TMEM132D: variants seen among roughly 807,000 people sequenced by gnomAD.
The protein encoded by TMEM132D is transmembrane protein 132D, also known as mature OL transmembrane protein.
TMEM132D carries 21 observed loss-of-function variants against 62.3 expected under a neutral mutation model. The observed-to-expected ratio is 0.34, with a 90% CI of 0.24 to 0.49. The LOEUF is 0.49. TMEM132D is among the 20% of genes least tolerant of loss of function. The pLI is 0.99. For missense variants in TMEM132D, 1,346 were observed against 1,402.8 expected (o/e 0.96, Z 0.65); for synonymous variants, 621 against 575.6 (o/e 1.08, Z -1.13).
At chr12:129,834,945 GA>G (rs1266144089) in intron 1 of TMEM132D, among the ~76,000 whole-genome samples, 1 of 152,108 alleles carries the variant, frequency 6.6e-6, no homozygotes, top group Non-Finnish European at 1.5e-5. Flanking sequence ...GAAGGGAGAG[GA>G]ACAAACAGCA....
chr12:129,172,704 G>A (rs1308637725), intron 5 of TMEM132D, among the ~76,000 whole-genome samples: 1 of 152,126 alleles, frequency 6.6e-6, no homozygotes, highest in Non-Finnish European at 1.5e-5. Flanking sequence ...TCAGCCTCCT[G>A]AGTAGCTGGG....
chr12:129,866,053 C>T (rs937204009), intron 1 of TMEM132D, among the ~76,000 whole-genome samples: 8 of 152,156 alleles, frequency 5.3e-5, no homozygotes, highest in African/African-American at 1.9e-4. Flanking sequence ...TTTTACTCCA[C>T]ACCCCCTGGG....
At chr12:129,793,912 G>T (rs935394006) in intron 1 of TMEM132D, among the ~76,000 whole-genome samples, 8 of 152,016 alleles carry the variant, frequency 5.3e-5, no homozygotes, top group African/African-American at 1.7e-4. Flanking sequence ...AGACACATAG[G>T]AACTTAATTT....
intron 2 of TMEM132D, among the ~76,000 whole-genome samples, chr12:129,606,464 GGT>G (rs1438760450): frequency 6.6e-6 from 1 of 152,162 alleles, no homozygotes; most frequent in Non-Finnish European, 1.5e-5. Flanking sequence ...TCCCTGAGAT[GGT>G]GTGGGCGAGC....
intron 3 of TMEM132D, among the ~76,000 whole-genome samples, chr12:129,494,911 G>A (rs1330446089): frequency 6.6e-6 from 1 of 152,138 alleles, no homozygotes; most frequent in Admixed American, 6.5e-5. Context: ...AGTAGTGAAT[G>A]CCAGTGTCTA....
At chr12:129,538,951 G>A (rs4759586) in intron 2 of TMEM132D, among the ~76,000 whole-genome samples, 4,067 of 94,578 alleles carry the variant, frequency 0.043, 7 homozygotes, top group Middle Eastern at 0.1. Context: ...GACCCCTGGC[G>A]ATAGGTCAGA....
Position 129,779,702 on chromosome 12 carries a change from T to G in TMEM132D, c.80-79004A>C, listed in dbSNP as rs1422459777. ...CTCCACAGTCAGGCCCCACCCATTT[T>G]TAGACACAGCTCTTGTTCTGGCGAG... On this transcript the variant is annotated intron_variant, in intron 1 of 8. Coordinates refer to ENST00000422113, the MANE Select transcript of TMEM132D (RefSeq NM_133448.3). This position sits in a 1 kb window ranked among gnomAD's most constrained non-coding sequence, Gnocchi z 4.1. Among the ~76,000 whole-genome samples, 1 of 152,162 alleles carries G rather than the reference T, an allele frequency of 6.6e-6. No individual in the cohort carries two copies. The highest frequency in any genetic ancestry group is 6.5e-5 in the Admixed American group (1 of 15,280).
intron 3 of TMEM132D, among the ~76,000 whole-genome samples, chr12:129,496,331 A>G (rs1874955483): frequency 6.6e-6 from 1 of 152,204 alleles, no homozygotes; most frequent in Non-Finnish European, 1.5e-5. Flanking sequence ...TAAAAGCAGA[A>G]GAGCCATTCC....
chr12:129,746,228 C>G lies in TMEM132D; in HGVS notation c.80-45530G>C, dbSNP rs116205605. ...TGGCAGAGGGTCAAGGTGGGCAGTT[C>G]CAGGGTGTACAAGACCTGACAGGTA... On this transcript the variant is annotated intron_variant, in intron 1 of 8. Transcript: ENST00000422113. Among the ~76,000 whole-genome samples, 1,179 of 152,246 alleles carry G rather than the reference C, an allele frequency of 7.7e-3. 14 individuals carry two copies. The highest frequency in any genetic ancestry group is 0.027 in the African/African-American group (1,119 of 41,530).
chr12:129,580,916 A>G (rs923144931), intron 2 of TMEM132D, among the ~76,000 whole-genome samples: 1 of 152,168 alleles, frequency 6.6e-6, no homozygotes, highest in Non-Finnish European at 1.5e-5. Flanking sequence ...AGTGATAGCC[A>G]TCAATTGTAC....
intron 4 of TMEM132D, among the ~76,000 whole-genome samples, chr12:129,255,806 C>T (rs1189453444): frequency 6.6e-6 from 1 of 152,146 alleles, no homozygotes; most frequent in African/African-American, 2.4e-5. Context: ...GGGGGAAAAA[C>T]AGAGGAAGAG....
chr12:129,186,175 A>T (rs1191966310), intron 5 of TMEM132D, among the ~76,000 whole-genome samples: 1 of 152,164 alleles, frequency 6.6e-6, no homozygotes, highest in Non-Finnish European at 1.5e-5. Flanking sequence ...TCATCTATTG[A>T]CAGTGCAGAA....
intron 2 of TMEM132D, among the ~76,000 whole-genome samples, chr12:129,619,154 G>A (rs893379620): frequency 1.3e-5 from 2 of 152,130 alleles, no homozygotes; most frequent in Non-Finnish European, 2.9e-5. Flanking sequence ...GGATAATGAG[G>A]CATGTCCCAC....
chr12:129,673,536 C>G (rs762342039), intron 2 of TMEM132D, among the ~76,000 whole-genome samples: 1 of 152,088 alleles, frequency 6.6e-6, no homozygotes, highest in African/African-American at 2.4e-5. Context: ...ATCAAACATC[C>G]GGGACTGAGA....
intron 2 of TMEM132D, among the ~76,000 whole-genome samples, chr12:129,643,359 G>C (rs1879690924): frequency 6.6e-6 from 1 of 152,132 alleles, no homozygotes; most frequent in African/African-American, 2.4e-5. Flanking sequence ...ACCAAACCCA[G>C]CCCACCGCCT....
intron 1 of TMEM132D, chr12:129,853,558 C>G (rs1873613453): frequency 6.6e-6 from 1 of 152,184 alleles, no homozygotes; most frequent in Non-Finnish European, 1.5e-5. Context: ...GTGAACCCAT[C>G]TGTTTCATTA....
intron 2 of TMEM132D, among the ~76,000 whole-genome samples, chr12:129,580,392 A>T (rs1025712208): frequency 6.6e-6 from 1 of 152,234 alleles, no homozygotes; most frequent in Non-Finnish European, 1.5e-5. Context: ...GGTGTCCAAC[A>T]TGAATGTCTT....
chr12:129,273,515 C>T (rs1352182084), intron 4 of TMEM132D, among the ~76,000 whole-genome samples: 3 of 150,916 alleles, frequency 2.0e-5, no homozygotes, highest in Admixed American at 6.6e-5. Flanking sequence ...TGGAATCAAC[C>T]TAGGTGCCCA....
At chr12:129,526,278 C>CT (rs1413028064) in intron 3 of TMEM132D, among the ~76,000 whole-genome samples, 1 of 151,982 alleles carries the variant, frequency 6.6e-6, no homozygotes, top group African/African-American at 2.4e-5. Flanking sequence ...CCAGGCTGCT[C>CT]TTTTTTTCTT....
Sources: allele counts gnomAD v4.1 joint callset (sites outside exome capture counted in the v4.1 genomes callset), GRCh38; gene constraint gnomAD v4.1.1; non-coding constraint Gnocchi (gnomAD v3.1); transcripts MANE v1.5; gene names NCBI Gene and HGNC (gene_info 2026-07-23, HGNC 2026-07-21).